MBD2: variants seen among roughly 807,000 people sequenced by gnomAD.
MBD2 encodes the protein methyl-CpG binding domain protein 2.
In MBD2, 9 loss-of-function variants were observed where a neutral mutation model predicts 39.3. That is an observed-to-expected ratio of 0.23 (90% CI 0.14 to 0.40). The LOEUF (loss-of-function observed/expected upper bound fraction) is 0.40. Ranked by LOEUF, MBD2 falls within the 10% of genes least tolerant of loss-of-function variation. MBD2 has a pLI of 1.00. For synonymous variants in MBD2, 233 were observed against 211.1 expected (o/e 1.10, Z -0.90); for missense variants, 458 against 532.6 (o/e 0.86, Z 1.38).
chr18:54,193,998 G>C (rs2086344152), intron 2 of MBD2, among the ~76,000 whole-genome samples: 1 of 152,226 alleles, frequency 6.6e-6, no homozygotes, highest in Middle Eastern at 3.4e-3. Context: ...TAATTATTGT[G>C]TAACCTTCCA....
chr18:54,188,827 C>T lies in MBD2; in HGVS notation c.840+47G>A, dbSNP rs755142224. On this transcript the variant is annotated intron_variant, in intron 3 of 6. Coordinates refer to ENST00000256429, the MANE Select transcript of MBD2 (RefSeq NM_003927.5). ...TTTGAATTATTTCTGGTAAAAATAC[C>T]AGCATTTTTCTGAAAAATAAGATTG... 3.3e-6 allele frequency: 5 copies of T among 1,531,742 alleles called. No individual in the cohort carries two copies. In the South Asian group the frequency reaches 6.6e-5, roughly 20 times the overall value. 94.9% of individuals were successfully genotyped at this position (1,531,742 alleles called of 1,614,324 possible). A position where few individuals can be genotyped will look rare whatever the true frequency, so the allele number is the denominator to read the frequency against.
At chr18:54,187,561 T>C (rs2086293831) in intron 3 of MBD2, among the ~76,000 whole-genome samples, 1 of 152,212 alleles carries the variant, frequency 6.6e-6, no homozygotes, top group South Asian at 2.1e-4. Flanking sequence ...TGCAACCTCC[T>C]GTGGTTTCGT....
intron 3 of MBD2, among the ~76,000 whole-genome samples, chr18:54,185,564 C>T (rs1302031430): frequency 1.3e-5 from 2 of 152,048 alleles, no homozygotes; most frequent in South Asian, 2.1e-4. Context: ...TAGTTCTTCA[C>T]ATTATGAAGG....
chr18:54,217,031 G>T (rs1026010067), intron 1 of MBD2, among the ~76,000 whole-genome samples: 1 of 152,206 alleles, frequency 6.6e-6, no homozygotes, highest in African/African-American at 2.4e-5. Context: ...AGAGGGTGCA[G>T]TGAGTGGAGA....
chr18:54,182,793 ATGGTGGTG>A (rs2086259803), intron 3 of MBD2, among the ~76,000 whole-genome samples: 1 of 152,098 alleles, frequency 6.6e-6, no homozygotes, highest in Non-Finnish European at 1.5e-5. Context: ...TTAGCCAGGC[ATGGTGGTG>A]TGCACCTGTG....
intron 3 of MBD2, among the ~76,000 whole-genome samples, chr18:54,178,748 T>C (rs2086229164): frequency 6.6e-6 from 1 of 152,180 alleles, no homozygotes; most frequent in Admixed American, 6.5e-5. Flanking sequence ...GTTCAAAACT[T>C]GTTAGGAAAG....
chr18:54,197,846 T>C (rs1298526939), intron 2 of MBD2, among the ~76,000 whole-genome samples: 1 of 152,214 alleles, frequency 6.6e-6, no homozygotes, highest in Non-Finnish European at 1.5e-5. Flanking sequence ...TACTCAACAG[T>C]GGCCCACACT....
In MBD2 at chr18:54,205,957, T is replaced by C. The variant is rs62096965; in HGVS notation, c.543-800A>G. Among the ~76,000 whole-genome samples, 947 of 145,982 alleles carry C rather than the reference T, an allele frequency of 6.5e-3. 6 individuals are homozygous for C. The highest frequency in any genetic ancestry group is 0.01 in the Non-Finnish European group (666 of 65,622). The stretch of plus-strand genomic sequence containing the variant: ...GCAACCCTTGTTTAAAACACACACA[T>C]ACACACACACACACACACACACACA... On this transcript the variant is annotated intron_variant, in intron 1 of 6. Coordinates refer to ENST00000256429, the MANE Select transcript of MBD2 (RefSeq NM_003927.5).
chr18:54,222,538 G>A, intron 1 of MBD2: 1 of 275,964 alleles, frequency 3.6e-6, no homozygotes, highest in South Asian at 3.1e-5. Context: ...CACAATCATA[G>A]GTCATTGCAG....
intron 6 of MBD2, among the ~76,000 whole-genome samples, chr18:54,158,398 C>A (rs887705824): frequency 9.9e-5 from 15 of 152,132 alleles, no homozygotes; most frequent in African/African-American, 3.6e-4. Flanking sequence ...CATATTAGCA[C>A]CCCATCCCTC....
chr18:54,223,530 C>T (rs2086632479), intron 1 of MBD2, among the ~76,000 whole-genome samples: 1 of 152,080 alleles, frequency 6.6e-6, no homozygotes, highest in African/African-American at 2.4e-5. Flanking sequence ...CCAAGAAGTT[C>T]CAAAAAAACT....
rs1192652980 is a variant in MBD2 at position 54,153,297 on chromosome 18, G to C, written c.*2027C>G. Reference sequence around the variant, plus strand: ...ATGGCTTGCTTTTACCAGAGTGAGGGAATGGAAGAGGGTGGTAGGTTTGTG... The same window carrying C: ...ATGGCTTGCTTTTACCAGAGTGAGGCAATGGAAGAGGGTGGTAGGTTTGTG... On this transcript the variant is annotated 3_prime_UTR_variant, in exon 7 of 7. Transcript: ENST00000256429. 4.6e-5 allele frequency: 7 copies of C among 152,286 alleles called. No homozygotes were observed. The highest frequency in any genetic ancestry group is 1.5e-5 in the Non-Finnish European group (1 of 68,122). The allele number at this position is 152,286 out of a possible 1,614,324, so 9.4% of individuals were successfully genotyped here.
At chr18:54,192,791 G>A (rs1051697857) in intron 2 of MBD2, among the ~76,000 whole-genome samples, 4 of 150,062 alleles carry the variant, frequency 2.7e-5, no homozygotes, top group East Asian at 2.0e-4. Flanking sequence ...TAAGATGGAC[G>A]TTCTTCCATT....
chr18:54,189,095 T>G (rs1213858335), intron 2 of MBD2, 84 bp from the exon 3 acceptor site: 2 of 876,982 alleles, frequency 2.3e-6, no homozygotes, highest in Non-Finnish European at 3.3e-6. Flanking sequence ...ATCTATTACT[T>G]TAAATCAAAT....
At chr18:54,215,621 G>A (rs1019651211) in intron 1 of MBD2, among the ~76,000 whole-genome samples, 1 of 150,978 alleles carries the variant, frequency 6.6e-6, no homozygotes, top group Non-Finnish European at 1.5e-5. Flanking sequence ...TCAGCCTCCC[G>A]AGTAGCTGGG....
chr18:54,223,876 G>A (rs1479285904), intron 1 of MBD2, 142 bp downstream of exon 1: 4 of 643,320 alleles, frequency 6.2e-6, no homozygotes, highest in Non-Finnish European at 1.0e-5. Context: ...TCACCCAAGG[G>A]TTCCGCCACC....
chr18:54,164,253 A>AG (rs944111574), intron 5 of MBD2, among the ~76,000 whole-genome samples: 3 of 152,234 alleles, frequency 2.0e-5, no homozygotes, highest in African/African-American at 7.2e-5. Flanking sequence ...AATGATGCTT[A>AG]GGGAATATAA....
At chr18:54,187,979 A>C in intron 3 of MBD2, 1 of 334,158 alleles carries the variant, frequency 3.0e-6, no homozygotes, top group Non-Finnish European at 4.3e-6. Context: ...GAAAAACAAA[A>C]TTCAAATGAA....
chr18:54,216,725 A>G (rs143201273), intron 1 of MBD2, among the ~76,000 whole-genome samples: 133 of 152,266 alleles, frequency 8.7e-4, no homozygotes, highest in African/African-American at 3.0e-3. Context: ...TATAAAAATA[A>G]CAAAGAAAAG....
Sources: allele counts gnomAD v4.1 joint callset (sites outside exome capture counted in the v4.1 genomes callset), GRCh38; gene constraint gnomAD v4.1.1; transcripts MANE v1.5; gene names NCBI Gene and HGNC (gene_info 2026-07-23, HGNC 2026-07-21).